Variants in RTL9 observed in about 807,000 individuals in gnomAD.
RTL9 encodes retrotransposon Gag like 9.
A neutral mutation model predicts 44.7 loss-of-function variants in RTL9; 19 were observed. The ratio of observed to expected loss-of-function variants is 0.42; its 90% CI spans 0.30 to 0.62. The LOEUF is 0.62. RTL9 is among the 20% of genes least tolerant of loss of function. The pLI, the probability that RTL9 is intolerant of heterozygous loss-of-function variation, is 0.16. For synonymous variants in RTL9, 407 were observed against 398.9 expected (o/e 1.02, Z -0.24); for missense variants, 1,105 against 1,080.6 (o/e 1.02, Z -0.32).
At chrX:110,406,429 C>T (rs145380941) in intron 1 of RTL9, among the ~76,000 whole-genome samples, 1,398 of 111,783 alleles carry the variant, frequency 0.013, 19 homozygotes, top group African/African-American at 0.042. Context: ...CTGCAAAGGA[C>T]GTGAACTCAT....
At chrX:110,359,881 T>G (rs1180278218) in intron 1 of RTL9, among the ~76,000 whole-genome samples, 1 of 112,051 alleles carries the variant, frequency 8.9e-6, no homozygotes, top group Non-Finnish European at 1.9e-5. Flanking sequence ...AGGTGAGACT[T>G]GAACTTGGCA....
At chrX:110,449,013 T>C (rs2068924210), upstream of RTL9, among the ~76,000 whole-genome samples, 1 of 110,345 alleles carries the variant, frequency 9.1e-6, no homozygotes, top group African/African-American at 3.3e-5. Context: ...AACCAGGGTG[T>C]CAGCAGGAGG....
upstream of RTL9, among the ~76,000 whole-genome samples, chrX:110,415,115 C>T (rs1267022830): frequency 8.9e-6 from 1 of 112,210 alleles, no homozygotes; most frequent in Non-Finnish European, 1.9e-5. Context: ...CTGGAAGCAT[C>T]TTGAGAACTG....
chrX:110,388,116 C>T (rs1432775502), intron 1 of RTL9, among the ~76,000 whole-genome samples: 2 of 111,371 alleles, frequency 1.8e-5, no homozygotes, highest in Non-Finnish European at 3.8e-5. Context: ...ATCTGCCCGC[C>T]TCAGCCTCCC....
At chrX:110,445,261 G>C (rs996101074) in exon 2 of RTL9, 1 of 112,479 alleles carries the variant, frequency 8.9e-6, no homozygotes, top group East Asian at 2.8e-4. Flanking sequence ...TCAGCGGTGA[G>C]AGCCAAGGTA....
upstream of RTL9, among the ~76,000 whole-genome samples, chrX:110,418,430 G>A (rs2068693645): frequency 8.9e-6 from 1 of 112,074 alleles, no homozygotes; most frequent in South Asian, 3.8e-4. Flanking sequence ...TGGCCCCCGT[G>A]TGGTTGAGGA....
intron 1 of RTL9, among the ~76,000 whole-genome samples, chrX:110,410,247 A>G (rs1463117118): frequency 9.0e-6 from 1 of 111,358 alleles, no homozygotes; most frequent in Non-Finnish European, 1.9e-5. Flanking sequence ...TTAGTGTGGG[A>G]AGAAGGACCT....
rs747125530 is a variant in RTL9, at chrX:110,409,669, A to G, written c.-167-35484A>G. ...CTGTTTTTTTTTTTTCACTCCCCTG[A>G]TCCCATCAATAATACGTGTACTCCT... On this transcript the variant is annotated intron_variant, in intron 1 of 2. Transcript: ENST00000520821. 3.7e-5 allele frequency among the ~76,000 whole-genome samples: 4 copies of G among 106,926 alleles called. No homozygotes were observed. In the South Asian group the frequency reaches 1.3e-3, roughly 34 times the overall value. The allele number at this position is 106,926 out of a possible 115,157, so 92.9% of individuals were successfully genotyped here. A position where few individuals can be genotyped will look rare whatever the true frequency, so the allele number is the denominator to read the frequency against.
upstream of RTL9, among the ~76,000 whole-genome samples, chrX:110,446,295 A>G (rs1269791015): frequency 9.0e-6 from 1 of 111,568 alleles, no homozygotes; most frequent in Non-Finnish European, 1.9e-5. Flanking sequence ...TTATGGAATT[A>G]CTAAACATAA....
At chrX:110,398,072 G>T (rs1371799347) in intron 1 of RTL9, among the ~76,000 whole-genome samples, 1 of 111,585 alleles carries the variant, frequency 9.0e-6, no homozygotes, top group Non-Finnish European at 1.9e-5. Context: ...CTCCTCCCAC[G>T]CATAGGCTGA....
At chrX:110,454,448 A>G (rs757336369) in exon 1 of RTL9, 9 of 1,211,060 alleles carry the variant, frequency 7.4e-6, no homozygotes, top group Non-Finnish European at 1.0e-5. Context: ...TTCTGGAAGG[A>G]CTCTCAGAAG....
chrX:110,423,105 A>G (rs1310168952), intron 1 of RTL9, among the ~76,000 whole-genome samples: 3 of 111,954 alleles, frequency 2.7e-5, no homozygotes, highest in African/African-American at 9.7e-5. Flanking sequence ...AGGCAGGCGG[A>G]TCACCTGAGG....
At chrX:110,430,115 C>T (rs2068786297) in intron 1 of RTL9, among the ~76,000 whole-genome samples, 1 of 112,129 alleles carries the variant, frequency 8.9e-6, no homozygotes, top group African/African-American at 3.2e-5. Context: ...TTGTTTAGTC[C>T]CAAAGGCAAG....
chrX:110,438,789 T>C (rs181004802), intron 1 of RTL9, among the ~76,000 whole-genome samples: 1 of 112,081 alleles, frequency 8.9e-6, no homozygotes, highest in East Asian at 2.8e-4. Context: ...TCAGAGAAAC[T>C]GAAGGCAGCC....
exon 1 of RTL9, chrX:110,450,798 A>G: frequency 8.3e-7 from 1 of 1,211,459 alleles, no homozygotes; most frequent in East Asian, 3.0e-5. Context: ...CCCTGGAGGG[A>G]CATCCACACA....
chrX:110,450,338 T>C (rs888201036), upstream of RTL9, among the ~76,000 whole-genome samples: 1 of 111,557 alleles, frequency 9.0e-6, no homozygotes, highest in African/African-American at 3.3e-5. Flanking sequence ...GTTTATAGCA[T>C]TTACAAACTG....
intron 1 of RTL9, chrX:110,440,209 C>T (rs775489660): frequency 1.8e-5 from 2 of 110,893 alleles, no homozygotes; most frequent in Non-Finnish European, 3.8e-5. Flanking sequence ...CGACTGTCCT[C>T]TAAACGATTA....
intron 1 of RTL9, among the ~76,000 whole-genome samples, chrX:110,432,556 G>C (rs926617665): frequency 8.9e-6 from 1 of 112,044 alleles, no homozygotes; most frequent in African/African-American, 3.3e-5. Context: ...ACCTGTGAGC[G>C]TGGCACCTCA....
intron 1 of RTL9, among the ~76,000 whole-genome samples, chrX:110,404,988 G>A (rs2068588888): frequency 9.1e-6 from 1 of 109,903 alleles, no homozygotes; most frequent in Non-Finnish European, 1.9e-5. Flanking sequence ...AGCCTAAAGT[G>A]TTTACTTTTG....
Sources: gnomAD v4.1 joint callset for allele counts (sites outside exome capture counted in the v4.1 genomes callset) on GRCh38, gnomAD v4.1.1 for gene constraint, MANE v1.5 for transcripts, NCBI Gene and HGNC (gene_info 2026-07-23, HGNC 2026-07-21) for gene names.